Variants in TAOK3 observed in about 807,000 individuals in gnomAD.
The protein encoded by TAOK3 is TAO kinase 3, also known as serine/threonine-protein kinase TAO3.
TAOK3 carries 40 observed loss-of-function variants against 120.4 expected under a neutral mutation model. That is an observed-to-expected ratio of 0.33 (90% CI 0.26 to 0.43). The LOEUF is 0.43. TAOK3 is among the 20% of genes least tolerant of loss of function. The pLI is 1.00. For synonymous variants in TAOK3, 355 were observed against 387.5 expected (o/e 0.92, Z 0.99); for missense variants, 821 against 1,112.1 (o/e 0.74, Z 3.72).
At chr12:118,193,058 T>TTTG (rs2037519962) in intron 13 of TAOK3, among the ~76,000 whole-genome samples, 1 of 147,070 alleles carries the variant, frequency 6.8e-6, no homozygotes, top group Admixed American at 6.8e-5. Flanking sequence ...TGTTTTTTTT[T>TTTG]TTTTTTTTTT....
At chr12:118,282,931 T>C (rs1197799703) in intron 1 of TAOK3, among the ~76,000 whole-genome samples, 1 of 152,150 alleles carries the variant, frequency 6.6e-6, no homozygotes, top group Non-Finnish European at 1.5e-5. Flanking sequence ...CTATCCAAAA[T>C]AGGATAGTGT....
chr12:118,290,284 T>C (rs1397661144), intron 1 of TAOK3, among the ~76,000 whole-genome samples: 1 of 152,148 alleles, frequency 6.6e-6, no homozygotes, highest in East Asian at 1.9e-4. Flanking sequence ...GGCCTCACAC[T>C]GGATGCCTCA....
chr12:118,201,292 C>T lies in TAOK3; in HGVS notation c.987+4G>A, dbSNP rs758709238. ...AAGTGCCTGCTAAAATAAATTGAAC[C>T]TACTTCCTCATCCTCCTGTGACTCA... On this transcript the variant is annotated splice_donor_region_variant and intron_variant, in intron 12 of 20. Coordinates refer to ENST00000392533, the MANE Select transcript of TAOK3 (RefSeq NM_016281.4). The T allele has an allele frequency of 1.2e-6, 2 of 1,610,696 alleles. No individual in the cohort carries two copies. Among genetic ancestry groups the T allele is most frequent in the Non-Finnish European group, 1.7e-6 (2 of 1,178,602 alleles).
At chr12:118,232,226 A>C (rs944633949) in intron 9 of TAOK3, among the ~76,000 whole-genome samples, 2 of 152,288 alleles carry the variant, frequency 1.3e-5, no homozygotes, top group Non-Finnish European at 2.9e-5. Flanking sequence ...ACTGGATAGA[A>C]GTAAGCTTAA....
In TAOK3 at chr12:118,160,573, T is replaced by C. The variant is rs914812204; in HGVS notation, c.2140-215A>G. On this transcript the variant is annotated intron_variant, in intron 18 of 20. Transcript: ENST00000392533. This position sits in a 1 kb window ranked among gnomAD's most constrained non-coding sequence, Gnocchi z 4.2. ...TTATATTGAATGACTATAAGTAATT[T>C]TGAATTTACAAATGGGGTCAAAGAA... Among the ~76,000 whole-genome samples the C allele has an allele frequency of 2.6e-5, 4 of 152,190 alleles. No homozygotes were observed. The highest frequency in any genetic ancestry group is 2.6e-4 in the Admixed American group (4 of 15,272).
chr12:118,251,758 G>C (rs180769742), intron 3 of TAOK3, among the ~76,000 whole-genome samples: 12 of 151,626 alleles, frequency 7.9e-5, no homozygotes, highest in Non-Finnish European at 1.6e-4. Flanking sequence ...CTTTTAGTAA[G>C]TTTCAAAGCA....
chr12:118,230,721 G>C (rs1446805673), intron 9 of TAOK3, among the ~76,000 whole-genome samples: 4 of 151,818 alleles, frequency 2.6e-5, no homozygotes, highest in Non-Finnish European at 5.9e-5. Flanking sequence ...CGCCCGCCTC[G>C]GCCTCCCAAA....
intron 13 of TAOK3, among the ~76,000 whole-genome samples, chr12:118,196,985 A>G (rs1471862304): frequency 6.6e-6 from 1 of 152,208 alleles, no homozygotes; most frequent in Non-Finnish European, 1.5e-5. Flanking sequence ...TAAAAATCCT[A>G]TTTATGTTCC....
chr12:118,336,035 A>G (rs982094384), intron 1 of TAOK3, among the ~76,000 whole-genome samples: 1 of 152,230 alleles, frequency 6.6e-6, no homozygotes, highest in African/African-American at 2.4e-5. Context: ...AATTGTATAT[A>G]GTTTTAATAC....
At chr12:118,325,181 G>A (rs1400188846) in intron 1 of TAOK3, among the ~76,000 whole-genome samples, 4 of 152,146 alleles carry the variant, frequency 2.6e-5, no homozygotes, top group Non-Finnish European at 5.9e-5. Flanking sequence ...TGCTGCAATA[G>A]GCATGGGACT....
chr12:118,286,571 A>C (rs1348732292), intron 1 of TAOK3, among the ~76,000 whole-genome samples: 1 of 150,736 alleles, frequency 6.6e-6, no homozygotes, highest in Non-Finnish European at 1.5e-5. Context: ...AAAAAAAAAC[A>C]GATGTTAGCA....
intron 1 of TAOK3, among the ~76,000 whole-genome samples, chr12:118,335,465 T>C (rs1340602747): frequency 2.0e-5 from 3 of 152,136 alleles, no homozygotes; most frequent in Non-Finnish European, 4.4e-5. Flanking sequence ...GCCTTTGTAA[T>C]GAAAAGCCTC....
At chr12:118,237,877 T>C (rs1238029384) in intron 7 of TAOK3, among the ~76,000 whole-genome samples, 196 bp downstream of exon 7, 1 of 152,158 alleles carries the variant, frequency 6.6e-6, no homozygotes, top group Non-Finnish European at 1.5e-5. Context: ...GATGATATAA[T>C]TGTGGATACG....
intron 15 of TAOK3, among the ~76,000 whole-genome samples, chr12:118,180,848 A>AT (rs1296532215): frequency 0.029 from 4,118 of 143,032 alleles, 155 homozygotes; most frequent in African/African-American, 0.089. Flanking sequence ...CATAAGTATA[A>AT]TTTTTTTTTT....
In TAOK3 at chr12:118,371,747, G is replaced by C. The variant is rs2045901068; in HGVS notation, c.-194+901C>G. Among the ~76,000 whole-genome samples the C allele has an allele frequency of 6.6e-6, 1 of 152,014 alleles. No homozygotes were observed. The highest frequency in any genetic ancestry group is 1.5e-5 in the Non-Finnish European group (1 of 67,966). On this transcript the variant is annotated intron_variant, in intron 1 of 20. Transcript: ENST00000392533. The surrounding 1 kb of genome is among the most constrained non-coding windows in gnomAD (Gnocchi z 5.5). Reference sequence around the variant, plus strand: ...CGCCCGCTCCCTCGCTGCTCACGCCGGGCCCCCGCTATGTGACTGGGGGCC... The same window carrying C: ...CGCCCGCTCCCTCGCTGCTCACGCCCGGCCCCCGCTATGTGACTGGGGGCC...
intron 6 of TAOK3, among the ~76,000 whole-genome samples, chr12:118,238,572 G>A (rs11068881): frequency 0.054 from 8,180 of 151,864 alleles, 453 homozygotes; most frequent in East Asian, 0.25. Context: ...TCAAACTACA[G>A]GTTTTCATTA....
intron 1 of TAOK3, among the ~76,000 whole-genome samples, chr12:118,368,459 A>C (rs1299970304): frequency 6.6e-6 from 1 of 150,716 alleles, no homozygotes; most frequent in African/African-American, 2.4e-5. Context: ...TGGCCTTCCA[A>C]AGTGCTGGGA....
At chr12:118,207,347 AAAG>A (rs1225466157) in intron 11 of TAOK3, among the ~76,000 whole-genome samples, 2 of 151,384 alleles carry the variant, frequency 1.3e-5, no homozygotes. Context: ...AAAAAAAAAG[AAAG>A]AAAATCACCC....
At chr12:118,207,858 T>TCACACACACA (rs55978716) in intron 11 of TAOK3, among the ~76,000 whole-genome samples, 6,407 of 144,380 alleles carry the variant, frequency 0.044, 259 homozygotes, top group East Asian at 0.22. Flanking sequence ...AGACTCTGTC[T>TCACACACACA]CACACACACA....
Sources: gnomAD v4.1 joint callset for allele counts (sites outside exome capture counted in the v4.1 genomes callset) on GRCh38, gnomAD v4.1.1 for gene constraint, Gnocchi (gnomAD v3.1) non-coding constraint, MANE v1.5 for transcripts, NCBI Gene and HGNC (gene_info 2026-07-23, HGNC 2026-07-21) for gene names.